The following PLAAT1 variants were observed in gnomAD, a reference collection of about 807,000 sequenced individuals.
The protein encoded by PLAAT1 is phospholipase A and acyltransferase 1.
A neutral mutation model predicts 16.4 loss-of-function variants in PLAAT1; 13 were observed. That is an observed-to-expected ratio of 0.79 (90% confidence interval 0.52 to 1.26). The LOEUF (loss-of-function observed/expected upper bound fraction) is 1.26. PLAAT1 is among the 50% of genes most tolerant of loss of function. The pLI is 0.00. For missense variants in PLAAT1, 218 were observed against 207.8 expected, an observed-to-expected ratio of 1.05 and a Z score of -0.30; for synonymous variants, 73 against 78.4, an observed-to-expected ratio of 0.93 and a Z score of 0.36.
intron 1 of PLAAT1, among the ~76,000 whole-genome samples, chr3:193,242,935 T>TA (rs1417191236): frequency 2.0e-5 from 3 of 152,180 alleles, no homozygotes; most frequent in African/African-American, 4.8e-5. Flanking sequence ...GAGTAGTTGT[T>TA]AAAAAAGTGC....
chr3:193,243,599 A>G (rs1189312639), intron 1 of PLAAT1, among the ~76,000 whole-genome samples: 1 of 152,252 alleles, frequency 6.6e-6, no homozygotes, highest in Admixed American at 6.5e-5. Flanking sequence ...GTTGCTTAGT[A>G]GAAATTCCTT....
At chr3:193,245,283 A>G (rs1715937267) in intron 1 of PLAAT1, among the ~76,000 whole-genome samples, 1 of 152,090 alleles carries the variant, frequency 6.6e-6, no homozygotes, top group Non-Finnish European at 1.5e-5. Context: ...CACACGTGAG[A>G]TCATACTGTA....
chr3:193,241,856 C>A (rs1715765142), intron 1 of PLAAT1, among the ~76,000 whole-genome samples: 1 of 152,136 alleles, frequency 6.6e-6, no homozygotes, highest in Non-Finnish European at 1.5e-5. Context: ...TGGTGATATT[C>A]CTTTGGCATG....
At position 193,241,793 on chromosome 3, in the gene PLAAT1, A is replaced by AGC. The variant is rs536687839; in HGVS notation, c.-1+260_-1+261insGC. On this transcript the variant is annotated intron_variant, in intron 1 of 3. Coordinates refer to ENST00000264735, the MANE Select transcript of PLAAT1 (RefSeq NM_020386.5). Reference sequence around the variant, plus strand: ...AAGCCTACTGTCCTCACTGAAGTGAATATGAATAATAATACAAGTAATTAT... The same window carrying AGC: ...AAGCCTACTGTCCTCACTGAAGTGAAGCTATGAATAATAATACAAGTAATTAT... Among the ~76,000 whole-genome samples, 465 of 152,320 alleles carry AGC rather than the reference A, an allele frequency of 3.1e-3. 3 individuals carry two copies. The highest frequency in any genetic ancestry group is 0.011 in the African/African-American group (447 of 41,566).
At chr3:193,279,272 A>G (rs919433947), downstream of PLAAT1, 15 of 1,015,710 alleles carry the variant, frequency 1.5e-5, no homozygotes, top group African/African-American at 2.1e-4. Context: ...TTTGGTGGTC[A>G]AAGAGAATAC....
At chr3:193,241,562 C>T (rs1476326168) in intron 1 of PLAAT1, 29 bp downstream of exon 1, 4 of 1,228,922 alleles carry the variant, frequency 3.3e-6, no homozygotes, top group African/African-American at 1.6e-5. Context: ...GGGAGGACCT[C>T]GAGGCGCCCC....
intron 1 of PLAAT1, among the ~76,000 whole-genome samples, chr3:193,254,280 TAAAA>T (rs1409133996): frequency 1.3e-5 from 2 of 152,168 alleles, no homozygotes; most frequent in Non-Finnish European, 2.9e-5. Flanking sequence ...TTAATTGTTA[TAAAA>T]AAGACTTTTA....
At chr3:193,281,035 G>A (rs1717470695), downstream of PLAAT1, 1 of 190,210 alleles carries the variant, frequency 5.3e-6, no homozygotes, top group South Asian at 1.8e-4. Context: ...CTCACTTTAT[G>A]TATATAAATA....
intron 2 of PLAAT1, 111 bp downstream of exon 2, chr3:193,255,900 G>A: frequency 9.5e-7 from 1 of 1,047,452 alleles, no homozygotes; most frequent in Non-Finnish European, 1.3e-6. Flanking sequence ...AATATAGAAA[G>A]CAGATAAATC....
At position 193,241,358 on chromosome 3, in the gene PLAAT1, C is replaced by A; in HGVS notation, c.-176C>A. 3.2e-6 allele frequency: 4 copies of A among 1,231,588 alleles called. No individual in the cohort carries two copies. The highest frequency in any genetic ancestry group is 4.0e-6 in the Non-Finnish European group (4 of 987,880). 76.3% of individuals were successfully genotyped at this position (1,231,588 alleles called of 1,614,324 possible). On this transcript the variant is annotated 5_prime_UTR_variant, in exon 1 of 4. Transcript: ENST00000264735. ...TGGCGGCGCTGGTGCTGGCGTTGGC[C>A]CTGGAGGACGGCCCCGAGTGATGGC...
In PLAAT1 at chr3:193,241,285, G is replaced by C; in HGVS notation, c.-249G>C. On this transcript the variant is annotated 5_prime_UTR_variant, in exon 1 of 4. Transcript: ENST00000264735. ...GAGCCCAGCGCGTCGGCCCCCCGGCGTGCGGGCGTCTCAGAGCCGCGGAGG... is the reference window on the plus strand; with the variant it reads ...GAGCCCAGCGCGTCGGCCCCCCGGCCTGCGGGCGTCTCAGAGCCGCGGAGG... 8.1e-7 allele frequency: 1 copy of C among 1,230,482 alleles called. No individual in the cohort carries two copies. The highest frequency in any genetic ancestry group is 1.6e-5 in the African/African-American group (1 of 64,454). The allele number at this position is 1,230,482 out of a possible 1,614,324, so 76.2% of individuals were successfully genotyped here. A position where few individuals can be genotyped will look rare whatever the true frequency, so the allele number is the denominator to read the frequency against.
chr3:193,278,135 C>T (rs911123187), downstream of PLAAT1, among the ~76,000 whole-genome samples: 10 of 152,140 alleles, frequency 6.6e-5, no homozygotes, highest in Non-Finnish European at 1.3e-4. Flanking sequence ...ATGGTCTTCT[C>T]CCCTAGCTTC....
intron 1 of PLAAT1, among the ~76,000 whole-genome samples, chr3:193,253,694 A>G (rs1005513161): frequency 6.6e-6 from 1 of 152,152 alleles, no homozygotes; most frequent in Non-Finnish European, 1.5e-5. Context: ...TAGAAGACTA[A>G]GAGAAGAGCT....
rs773405571 is a variant in PLAAT1, at chr3:193,255,637, A to G, written c.1-14A>G. On this transcript the variant is annotated splice_polypyrimidine_tract_variant and intron_variant, in intron 1 of 3. Coordinates refer to ENST00000264735, the MANE Select transcript of PLAAT1 (RefSeq NM_020386.5). ...GTTGTATTAGCTAGCTCTTCTTTGT[A>G]TTTGTCATTGCAGATGGCGTTTAAT... The G allele has an allele frequency of 2.5e-6, 4 of 1,596,158 alleles. No individual in the cohort carries two copies. Among genetic ancestry groups the G allele is most frequent in the East Asian group, 2.2e-5 (1 of 44,466 alleles).
chr3:193,251,979 C>A (rs965790327), intron 1 of PLAAT1, among the ~76,000 whole-genome samples: 20 of 152,020 alleles, frequency 1.3e-4, no homozygotes, highest in Non-Finnish European at 2.6e-4. Flanking sequence ...TATGTATTTT[C>A]TTTGGTGAAA....
intron 2 of PLAAT1, among the ~76,000 whole-genome samples, chr3:193,262,341 C>CTT (rs770490913): frequency 3.7e-5 from 2 of 53,918 alleles, no homozygotes; most frequent in Admixed American, 2.8e-4. Flanking sequence ...ACTTAGGGGG[C>CTT]TTTTTTTTTT....
chr3:193,244,612 A>C (rs1715910734), intron 1 of PLAAT1, among the ~76,000 whole-genome samples: 1 of 152,200 alleles, frequency 6.6e-6, no homozygotes, highest in Non-Finnish European at 1.5e-5. Flanking sequence ...GCCAAAAACT[A>C]AGTAATTTAT....
At chr3:193,268,208 C>A (rs1282880525) in intron 3 of PLAAT1, among the ~76,000 whole-genome samples, 1 of 152,172 alleles carries the variant, frequency 6.6e-6, no homozygotes, top group East Asian at 1.9e-4. Context: ...ATATCTCTAT[C>A]TTTGTCAAAG....
chr3:193,259,208 C>A (rs1420486151), intron 2 of PLAAT1, among the ~76,000 whole-genome samples: 2 of 152,090 alleles, frequency 1.3e-5, no homozygotes, highest in Non-Finnish European at 2.9e-5. Context: ...GTTAAAAACC[C>A]TGAAGAGAAT....
Sources: allele counts gnomAD v4.1 joint callset (sites outside exome capture counted in the v4.1 genomes callset), GRCh38; gene constraint gnomAD v4.1.1; transcripts MANE v1.5; gene names NCBI Gene and HGNC (gene_info 2026-07-23, HGNC 2026-07-21).